The following WBP2 variants were observed in gnomAD, a reference collection of about 807,000 sequenced individuals.
The protein encoded by WBP2 is WW domain-binding protein 2.
WBP2 carries 23 observed loss-of-function variants against 33.0 expected under a neutral mutation model. That is an observed-to-expected ratio of 0.70 (90% CI 0.50 to 0.99). WBP2 has a LOEUF of 0.99. Among genes scored for constraint, WBP2 ranks in the 50% least tolerant of loss-of-function variants. The pLI is 0.00. For synonymous variants in WBP2, 153 were observed against 133.5 expected (o/e 1.15, Z -1.01); for missense variants, 353 against 358.0 (o/e 0.99, Z 0.11).
chr17:75,855,418 C>T, upstream of WBP2: 4 of 1,089,068 alleles, frequency 3.7e-6, no homozygotes. Context: ...CGGAGGCTGG[C>T]CCAAACACCT....
At chr17:75,850,288 T>C (rs908507769) in intron 2 of WBP2, among the ~76,000 whole-genome samples, 1 of 151,706 alleles carries the variant, frequency 6.6e-6, no homozygotes, top group Non-Finnish European at 1.5e-5. Flanking sequence ...CTCTGTTGCC[T>C]GGGCTGGAGT....
rs552966495 is a variant in WBP2, at chr17:75,847,111, C to G, written c.656-127G>C. On this transcript the variant is annotated intron_variant, in intron 6 of 7. Transcript: ENST00000254806. The stretch of plus-strand genomic sequence containing the variant: ...GGTCCAGTTCCACCAATGAGAGCAG[C>G]AGGTGAGGTTTCCTGAGCACATGCC... 27 of 1,048,608 alleles carry G rather than the reference C, an allele frequency of 2.6e-5. 1 individual carries two copies. The highest frequency in any genetic ancestry group is 4.3e-4 in the Middle Eastern group (2 of 4,610). 65.0% of individuals were successfully genotyped at this position (1,048,608 alleles called of 1,614,324 possible). A position where few individuals can be genotyped will look rare whatever the true frequency, so the allele number is the denominator to read the frequency against.
chr17:75,855,448 A>G, upstream of WBP2: 2 of 760,676 alleles, frequency 2.6e-6, no homozygotes, highest in East Asian at 2.5e-5. Context: ...GTCACGTGGT[A>G]ATAGTTTACT....
chr17:75,848,389 G>A lies in WBP2; in HGVS notation c.397+181C>T, dbSNP rs142583679. The A allele has an allele frequency of 1.8e-4, 114 of 633,304 alleles. No individual in the cohort carries two copies. In the African/African-American group the frequency reaches 1.9e-3, roughly 10 times the overall value. The allele number at this position is 633,304 out of a possible 1,614,324, so 39.2% of individuals were successfully genotyped here. A position where few individuals can be genotyped will look rare whatever the true frequency, so the allele number is the denominator to read the frequency against. ...CAGGCAGGGAAACGCAGTCTCTGAG[G>A]TACAGGACAGAGCTGATGCCAATGA... On this transcript the variant is annotated intron_variant, in intron 4 of 7. Transcript: ENST00000254806.
chr17:75,854,945 C>T (rs2065048563), intron 1 of WBP2, among the ~76,000 whole-genome samples: 1 of 152,154 alleles, frequency 6.6e-6, no homozygotes, highest in Non-Finnish European at 1.5e-5. Context: ...CTCCCAGCTA[C>T]TGAAATCACA....
In WBP2 at chr17:75,851,549, G is replaced by A; in HGVS notation, c.168+19C>T. ...ACAGCAACAAGCCTCTCAACCAACTGCCCTGCTGTGCAACTCACCCGGTAA... is the reference window on the plus strand; with the variant it reads ...ACAGCAACAAGCCTCTCAACCAACTACCCTGCTGTGCAACTCACCCGGTAA... On this transcript the variant is annotated intron_variant, in intron 2 of 7. Coordinates refer to ENST00000254806, the MANE Select transcript of WBP2 (RefSeq NM_012478.4). The A allele has an allele frequency of 6.3e-7, 1 of 1,584,894 alleles. No homozygotes were observed. Among genetic ancestry groups the A allele is most frequent in the Non-Finnish European group, 8.7e-7 (1 of 1,153,918 alleles).
In WBP2 at chr17:75,847,942, AG is replaced by A; in HGVS notation, c.398-13del. The A allele has an allele frequency of 6.4e-7, 1 of 1,562,628 alleles. No homozygotes were observed. The highest frequency in any genetic ancestry group is 1.2e-5 in the South Asian group (1 of 84,898). ...TTCACCTCTGGAGGCTACGAGTACA[AG>A]GGGAAAGAGAAATGAGCGTGGCCTG... On this transcript the variant is annotated splice_polypyrimidine_tract_variant and intron_variant, in intron 4 of 7. Coordinates refer to ENST00000254806, the MANE Select transcript of WBP2 (RefSeq NM_012478.4).
chr17:75,855,400 C>A, upstream of WBP2: 2 of 1,397,648 alleles, frequency 1.4e-6, no homozygotes, highest in East Asian at 4.6e-5. Context: ...CCAATCAAAG[C>A]TCGAGTGCGG....
At chr17:75,851,368 G>A in intron 2 of WBP2, 200 bp downstream of exon 2, 1 of 499,522 alleles carries the variant, frequency 2.0e-6, no homozygotes. Context: ...CTGCCCAGTG[G>A]TCAGGTCAGT....
In WBP2 at chr17:75,849,593, C is replaced by T; in HGVS notation, c.304+11G>A. 1 of 1,613,894 alleles carries T rather than the reference C, an allele frequency of 6.2e-7. No individual in the cohort carries two copies. On this transcript the variant is annotated intron_variant, in intron 3 of 7. Coordinates refer to ENST00000254806, the MANE Select transcript of WBP2 (RefSeq NM_012478.4). ...AGGCCCCATGCGTGTCCCTGAGTTC[C>T]CATCACCTACCTCCCGCTTCCGCCT...
rs754073122 is a variant in WBP2, at chr17:75,846,908, C to G, written c.732G>C (p.Thr244=). ...PGNPHNVYMP[T]SQPPPPPYYP... ...CACCGGCACTGCCAAGCCCTCTCAC[C>G]GTGGGCATGTAGACGTTGTGAGGAT... The change falls in exon 7 of 8, where the codon ACG becomes ACC. Residue 244 remains threonine, a splice_region_variant and synonymous_variant. Coordinates refer to ENST00000254806, the MANE Select transcript of WBP2 (RefSeq NM_012478.4). This position sits in a 1 kb window ranked among gnomAD's most constrained non-coding sequence, Gnocchi z 4.8. 1.9e-6 allele frequency: 3 copies of G among 1,613,948 alleles called. No individual in the cohort carries two copies. Among genetic ancestry groups the G allele is most frequent in the Admixed American group, 3.3e-5 (2 of 59,988 alleles).
chr17:75,848,149 T>A, intron 4 of WBP2: 1 of 649,618 alleles, frequency 1.5e-6, no homozygotes, highest in South Asian at 1.9e-5. Context: ...GCAAGGGAGG[T>A]CAAGGGCAAG....
rs2064992750 is a variant in WBP2, at chr17:75,846,553, G to A, written c.*181C>T. Reference sequence around the variant, plus strand: ...GGGCTCCGGGCTGGCATGGGAAGCTGGGCGGCACCTCTCCCGAGGCCGGGG... The same window carrying A: ...GGGCTCCGGGCTGGCATGGGAAGCTAGGCGGCACCTCTCCCGAGGCCGGGG... On this transcript the variant is annotated 3_prime_UTR_variant, in exon 8 of 8. Transcript: ENST00000254806. This position sits in a 1 kb window ranked among gnomAD's most constrained non-coding sequence, Gnocchi z 4.8. The A allele has an allele frequency of 3.9e-6, 3 of 769,958 alleles. No homozygotes were observed. Among genetic ancestry groups the A allele is most frequent in the Non-Finnish European group, 6.5e-6 (3 of 460,016 alleles). The allele number at this position is 769,958 out of a possible 1,614,324, so 47.7% of individuals were successfully genotyped here.
At position 75,846,863 on chromosome 17, in the gene WBP2, C is replaced by A; in HGVS notation, c.732+45G>T. 7 of 1,613,370 alleles carry A rather than the reference C, an allele frequency of 4.3e-6. No individual in the cohort carries two copies. Among genetic ancestry groups the A allele is most frequent in the Non-Finnish European group, 5.9e-6 (7 of 1,179,624 alleles). On this transcript the variant is annotated intron_variant, in intron 7 of 7. Transcript: ENST00000254806. This position sits in a 1 kb window ranked among gnomAD's most constrained non-coding sequence, Gnocchi z 4.8. The stretch of plus-strand genomic sequence containing the variant: ...GCGGTCATCCCCCTGCGGCTCCCAG[C>A]ATCTGCGGCTGTGGGGCTGCACCGG...
In WBP2 at chr17:75,849,742, G is replaced by A. The variant is rs1360192171; in HGVS notation, c.169-3C>T. ...TTGCCCTTGGACAGAAAGATGACCT[G>A]CAGGGAGAGAGGGTGAGGCCATCAG... On this transcript the variant is annotated splice_region_variant and splice_polypyrimidine_tract_variant and intron_variant, in intron 2 of 7. Transcript: ENST00000254806. The A allele has an allele frequency of 6.2e-7, 1 of 1,613,904 alleles. No homozygotes were observed. The highest frequency in any genetic ancestry group is 1.7e-5 in the Admixed American group (1 of 60,032).
At chr17:75,851,313 C>G (rs1047691794) in intron 2 of WBP2, 6 of 390,526 alleles carry the variant, frequency 1.5e-5, no homozygotes, top group African/African-American at 1.2e-4. Flanking sequence ...GCATCCAACT[C>G]TATAGAGATT....
At chr17:75,850,314 T>C (rs535980483) in intron 2 of WBP2, among the ~76,000 whole-genome samples, 1 of 151,980 alleles carries the variant, frequency 6.6e-6, no homozygotes, top group African/African-American at 2.4e-5. Context: ...GGCGCGATCT[T>C]GGCTCGCTGC....
In WBP2 at chr17:75,846,405, G is replaced by A. The variant is rs769156097; in HGVS notation, c.*329C>T. 40 of 415,536 alleles carry A rather than the reference G, an allele frequency of 9.6e-5. No individual in the cohort carries two copies. The highest frequency in any genetic ancestry group is 1.6e-4 in the Non-Finnish European group (36 of 224,230). 25.7% of individuals were successfully genotyped at this position (415,536 alleles called of 1,614,324 possible). A position where few individuals can be genotyped will look rare whatever the true frequency, so the allele number is the denominator to read the frequency against. ...TGCCAGACTGAGGGAGCTGGACTGC[G>A]GTGGAGGAGGTGGCCAGAGAGTCCC... is the stretch of plus-strand genomic sequence containing the variant. On this transcript the variant is annotated 3_prime_UTR_variant, in exon 8 of 8. Coordinates refer to ENST00000254806, the MANE Select transcript of WBP2 (RefSeq NM_012478.4). The surrounding 1 kb of genome is among the most constrained non-coding windows in gnomAD (Gnocchi z 4.8).
Position 75,849,660 on chromosome 17 carries a change from T to C in WBP2, c.248A>G (p.Lys83Arg). ...PFYLMKDCEI[K>R]QPVFGANYIK... ...GTAGTTTGCACCAAATACGGGCTGC[T>C]TGATCTCACAGTCTTTCATGAGATA... Residue 83 changes from lysine (K) to arginine (R), a missense_variant, in exon 3 of 8, where the codon AAG becomes AGG. Physicochemically the swap from Lys to Arg is conservative, Grantham distance 26. Coordinates refer to ENST00000254806, the MANE Select transcript of WBP2 (RefSeq NM_012478.4). The C allele has an allele frequency of 5.0e-6, 8 of 1,614,210 alleles. No homozygotes were observed. Among genetic ancestry groups the C allele is most frequent in the Non-Finnish European group, 6.8e-6 (8 of 1,180,018 alleles).
Sources: gnomAD v4.1 joint callset for allele counts (sites outside exome capture counted in the v4.1 genomes callset) on GRCh38, gnomAD v4.1.1 for gene constraint, Gnocchi (gnomAD v3.1) non-coding constraint, MANE v1.5 for transcripts, NCBI Gene and HGNC (gene_info 2026-07-23, HGNC 2026-07-21) for gene names.